The following FHIT variants were observed in gnomAD, a reference collection of about 807,000 sequenced individuals.
FHIT encodes bis(5'-adenosyl)-triphosphatase.
FHIT carries 19 observed loss-of-function variants against 17.9 expected under a neutral mutation model. The observed-to-expected ratio is 1.06, with a 90% CI of 0.74 to 1.56. FHIT has a LOEUF of 1.56. Ranked by LOEUF, FHIT falls within the 40% of genes most tolerant of loss-of-function variation. The pLI is 0.00. For synonymous variants in FHIT, 81 were observed against 69.7 expected (o/e 1.16, Z -0.81); for missense variants, 248 against 189.2 (o/e 1.31, Z -1.82).
At chr3:60,895,465 AC>A (rs1705743003) in intron 3 of FHIT, among the ~76,000 whole-genome samples, 1 of 152,162 alleles carries the variant, frequency 6.6e-6, no homozygotes, top group African/African-American at 2.4e-5. Flanking sequence ...CTGTGTAAAC[AC>A]CCTGCTAATC....
intron 4 of FHIT, among the ~76,000 whole-genome samples, chr3:60,693,877 C>A (rs1370544323): frequency 6.6e-6 from 1 of 152,190 alleles, no homozygotes; most frequent in Non-Finnish European, 1.5e-5. Context: ...GGTGGCATAG[C>A]TCTTTAGCTA....
intron 2 of FHIT, among the ~76,000 whole-genome samples, chr3:61,100,175 A>C (rs1407296341): frequency 3.9e-5 from 6 of 152,018 alleles, no homozygotes; most frequent in Non-Finnish European, 8.8e-5. Flanking sequence ...CTCATCATGT[A>C]CATTAGGTAT....
chr3:60,297,048 T>C (rs1576438531), intron 5 of FHIT, among the ~76,000 whole-genome samples: 1 of 152,192 alleles, frequency 6.6e-6, no homozygotes, highest in East Asian at 1.9e-4. Context: ...ATATTACAAG[T>C]ATGTAAGTCT....
chr3:60,718,589 T>C (rs782328363), intron 4 of FHIT, among the ~76,000 whole-genome samples: 1 of 152,218 alleles, frequency 6.6e-6, no homozygotes, highest in African/African-American at 2.4e-5. Flanking sequence ...ATGCCAAATC[T>C]GCCAGTCACT....
At chr3:59,815,280 G>A (rs186661390) in intron 8 of FHIT, among the ~76,000 whole-genome samples, 1 of 152,104 alleles carries the variant, frequency 6.6e-6, no homozygotes, top group South Asian at 2.1e-4. Context: ...ATAGCCTGGT[G>A]GGAATGTCAA....
intron 3 of FHIT, among the ~76,000 whole-genome samples, chr3:60,851,998 G>C (rs939884935): frequency 6.6e-6 from 1 of 152,060 alleles, no homozygotes; most frequent in Non-Finnish European, 1.5e-5. Flanking sequence ...ATATTTGGTC[G>C]AACTTTATTC....
chr3:59,879,976 G>GAGAGA (rs1233042999), intron 8 of FHIT, among the ~76,000 whole-genome samples: 2 of 4,476 alleles, frequency 4.5e-4, no homozygotes, highest in African/African-American at 6.1e-4. Flanking sequence ...AAGGAACCAA[G>GAGAGA]AGAGAAGAGG....
chr3:60,605,048 A>G (rs1553670559), intron 4 of FHIT, among the ~76,000 whole-genome samples: 1 of 152,120 alleles, frequency 6.6e-6, no homozygotes, highest in African/African-American at 2.4e-5. Context: ...TAGGATTTCT[A>G]TGCTTAAGTA....
chr3:60,730,263 T>C (rs1235520618), intron 4 of FHIT: 1 of 265,016 alleles, frequency 3.8e-6, no homozygotes. Flanking sequence ...TGATCATTTC[T>C]TCTAGTTTGT....
Position 60,260,611 on chromosome 3 carries a change from C to A in FHIT, c.104-246459G>T, listed in dbSNP as rs577871848. ...ATAAAATATATTATGCTATTTTTTT[C>A]TTGTATCTGTCAGAGGTGTTTGAAC... On this transcript the variant is annotated intron_variant, in intron 5 of 9. Transcript: ENST00000492590. 3.3e-5 allele frequency among the ~76,000 whole-genome samples: 5 copies of A among 151,910 alleles called. No homozygotes were observed. In the South Asian group the frequency reaches 8.3e-4, roughly 25 times the overall value.
At chr3:60,351,880 C>T (rs1463767693) in intron 5 of FHIT, among the ~76,000 whole-genome samples, 3 of 152,230 alleles carry the variant, frequency 2.0e-5, no homozygotes, top group Admixed American at 2.0e-4. Context: ...TGGCTAACCC[C>T]TGTGCCCTCT....
intron 5 of FHIT, among the ~76,000 whole-genome samples, chr3:60,505,556 C>T (rs1350078538): frequency 1.3e-5 from 2 of 152,204 alleles, no homozygotes; most frequent in African/African-American, 2.4e-5. Flanking sequence ...CACATTCTCT[C>T]TCATATTTAC....
chr3:61,071,440 G>C (rs561833439), intron 2 of FHIT, among the ~76,000 whole-genome samples: 1 of 152,248 alleles, frequency 6.6e-6, no homozygotes, highest in Admixed American at 6.5e-5. Flanking sequence ...TGTGCCTAAA[G>C]ATATATCATG....
At chr3:60,387,155 T>A (rs1701046556) in intron 5 of FHIT, among the ~76,000 whole-genome samples, 2 of 151,682 alleles carry the variant, frequency 1.3e-5, no homozygotes, top group South Asian at 4.2e-4. Context: ...ACCTAGCTAA[T>A]TTTTTTGTAT....
chr3:60,178,911 G>C (rs987719629), intron 5 of FHIT, among the ~76,000 whole-genome samples: 1 of 152,070 alleles, frequency 6.6e-6, no homozygotes, highest in Non-Finnish European at 1.5e-5. Context: ...GTTTTAGCTT[G>C]GGGACGATTT....
At chr3:60,338,146 A>G (rs1471931357) in intron 5 of FHIT, among the ~76,000 whole-genome samples, 2 of 152,198 alleles carry the variant, frequency 1.3e-5, no homozygotes, top group African/African-American at 2.4e-5. Context: ...GGAAGCATAC[A>G]TATATTCTGC....
chr3:60,901,753 C>T (rs1706125168), intron 3 of FHIT, among the ~76,000 whole-genome samples: 1 of 151,986 alleles, frequency 6.6e-6, no homozygotes, highest in Non-Finnish European at 1.5e-5. Context: ...GATGGGATTT[C>T]AGCATGTGTA....
intron 5 of FHIT, among the ~76,000 whole-genome samples, chr3:60,262,068 T>C (rs2107611621): frequency 6.6e-6 from 1 of 152,202 alleles, no homozygotes; most frequent in South Asian, 2.1e-4. Flanking sequence ...TTTGGAATGA[T>C]CCTGTGTCAC....
At chr3:60,914,088 T>C (rs192001063) in intron 3 of FHIT, among the ~76,000 whole-genome samples, 91 of 152,298 alleles carry the variant, frequency 6.0e-4, no homozygotes, top group Admixed American at 1.2e-3. Flanking sequence ...CAACAGTTTT[T>C]GCAGACAAGC....
Sources: allele counts gnomAD v4.1 joint callset (sites outside exome capture counted in the v4.1 genomes callset), GRCh38; gene constraint gnomAD v4.1.1; transcripts MANE v1.5; gene names NCBI Gene and HGNC (gene_info 2026-07-23, HGNC 2026-07-21).